SLC39A14: variants seen among roughly 807,000 people sequenced by gnomAD.
The protein encoded by SLC39A14 is metal cation symporter ZIP14.
A neutral mutation model predicts 45.5 loss-of-function variants in SLC39A14; 19 were observed. The observed-to-expected ratio is 0.42, with a 90% CI of 0.29 to 0.61. The LOEUF (loss-of-function observed/expected upper bound fraction) is 0.61, where lower values mean the gene tolerates loss of function less well. Ranked by LOEUF, SLC39A14 falls within the 20% of genes least tolerant of loss-of-function variation. The pLI, the probability that SLC39A14 is intolerant of heterozygous loss-of-function variation, is 0.22. For missense variants in SLC39A14, 447 were observed against 616.5 expected (o/e 0.73, Z 2.91); for synonymous variants, 264 against 251.3 (o/e 1.05, Z -0.48).
At chr8:22,412,230 C>T (rs1481724626) in intron 4 of SLC39A14, 24 bp downstream of exon 4, 1 of 1,549,752 alleles carries the variant, frequency 6.5e-7, no homozygotes, top group African/African-American at 1.4e-5. Context: ...GGGCCTTCAC[C>T]CCGGAGCATG....
At chr8:22,412,600 C>T (rs1431238336) in intron 4 of SLC39A14, among the ~76,000 whole-genome samples, 1 of 152,166 alleles carries the variant, frequency 6.6e-6, no homozygotes, top group African/African-American at 2.4e-5. Context: ...CGAGCTCACT[C>T]TGGCTTAGTT....
intron 1 of SLC39A14, among the ~76,000 whole-genome samples, chr8:22,378,956 G>A (rs1205936484): frequency 2.0e-5 from 3 of 152,210 alleles, no homozygotes; most frequent in Admixed American, 6.5e-5. Flanking sequence ...CGACAGAAAT[G>A]TATTCTTATA....
intron 1 of SLC39A14, among the ~76,000 whole-genome samples, chr8:22,371,848 C>T (rs138276324): frequency 6.6e-6 from 1 of 151,690 alleles, no homozygotes; most frequent in African/African-American, 2.4e-5. Flanking sequence ...GGGTTCAAGC[C>T]ATTCTCCTGC....
intron 8 of SLC39A14, among the ~76,000 whole-genome samples, chr8:22,432,175 G>C (rs538095438): frequency 6.6e-6 from 1 of 151,748 alleles, no homozygotes; most frequent in Non-Finnish European, 1.5e-5. Flanking sequence ...TCTAAAAAAA[G>C]AAAAAAATAG....
At chr8:22,390,819 C>T (rs888536431) in intron 1 of SLC39A14, among the ~76,000 whole-genome samples, 141 of 152,282 alleles carry the variant, frequency 9.3e-4, no homozygotes, top group African/African-American at 3.2e-3. Flanking sequence ...CCTCCCACCT[C>T]AGCCTCTCAC....
chr8:22,404,554 TCTCAAAGG>T (rs2132308130), intron 1 of SLC39A14, 134 bp from the exon 2 acceptor site: 2 of 730,184 alleles, frequency 2.7e-6, no homozygotes, highest in Non-Finnish European at 4.4e-6. Context: ...GAAGGGTTTT[TCTCAAAGG>T]CTAATTCAAG....
chr8:22,428,028 G>A (rs1836412880), intron 8 of SLC39A14, among the ~76,000 whole-genome samples: 2 of 152,152 alleles, frequency 1.3e-5, no homozygotes, highest in Non-Finnish European at 2.9e-5. Context: ...GCCTGGTGCG[G>A]TAGCTCACGC....
intron 1 of SLC39A14, among the ~76,000 whole-genome samples, chr8:22,392,226 G>C (rs1385751422): frequency 6.6e-6 from 1 of 152,166 alleles, no homozygotes; most frequent in Admixed American, 6.5e-5. Context: ...TGAGAACCCA[G>C]AAGATGGGGA....
At chr8:22,403,442 G>C (rs1835006094) in intron 1 of SLC39A14, among the ~76,000 whole-genome samples, 1 of 151,290 alleles carries the variant, frequency 6.6e-6, no homozygotes, top group African/African-American at 2.4e-5. Flanking sequence ...ACCATGCCTG[G>C]CTAATTTTTT....
At chr8:22,409,201 C>T (rs906978318) in intron 3 of SLC39A14, among the ~76,000 whole-genome samples, 4 of 152,222 alleles carry the variant, frequency 2.6e-5, no homozygotes, top group African/African-American at 7.2e-5. Context: ...CTCCCTATCC[C>T]GGTATCCCTG....
At chr8:22,386,936 G>A (rs1833825121) in intron 1 of SLC39A14, among the ~76,000 whole-genome samples, 1 of 152,146 alleles carries the variant, frequency 6.6e-6, no homozygotes, top group Non-Finnish European at 1.5e-5. Context: ...ACTTTGGGAG[G>A]CTGGGGCGGG....
At chr8:22,414,189 A>C (rs1835742296) in intron 4 of SLC39A14, among the ~76,000 whole-genome samples, 1 of 152,166 alleles carries the variant, frequency 6.6e-6, no homozygotes, top group Non-Finnish European at 1.5e-5. Context: ...TTGATAAGTG[A>C]CAGTTTCAGA....
chr8:22,399,860 T>C (rs999755759), intron 1 of SLC39A14, among the ~76,000 whole-genome samples: 2 of 152,206 alleles, frequency 1.3e-5, no homozygotes, highest in African/African-American at 4.8e-5. Flanking sequence ...TGAAGTCTTT[T>C]GGGGTTTGTT....
chr8:22,405,125 T>G (rs1586717619), intron 2 of SLC39A14, 145 bp downstream of exon 2: 1 of 704,360 alleles, frequency 1.4e-6, no homozygotes, highest in Non-Finnish European at 2.3e-6. Context: ...GTGGACAGGC[T>G]GATTCTTTCT....
At chr8:22,423,103 C>T (rs1836312285), downstream of SLC39A14, among the ~76,000 whole-genome samples, 2 of 152,018 alleles carry the variant, frequency 1.3e-5, no homozygotes, top group Admixed American at 1.3e-4. Flanking sequence ...GGATTACAGG[C>T]TTGAGTCATT....
chr8:22,376,828 A>C (rs1833245114), intron 1 of SLC39A14, among the ~76,000 whole-genome samples: 1 of 151,940 alleles, frequency 6.6e-6, no homozygotes, highest in South Asian at 2.1e-4. Context: ...CAGTGAGCTG[A>C]GATGGAGCCA....
At chr8:22,377,897 T>C (rs1367901378) in intron 1 of SLC39A14, among the ~76,000 whole-genome samples, 1 of 152,210 alleles carries the variant, frequency 6.6e-6, no homozygotes, top group African/African-American at 2.4e-5. Flanking sequence ...AATACCCCAT[T>C]TGGATCTGTG....
At chr8:22,371,414 CTTTTTTTTTTTTT>C (rs373230777) in intron 1 of SLC39A14, among the ~76,000 whole-genome samples, 11 of 120,042 alleles carry the variant, frequency 9.2e-5, no homozygotes, top group Non-Finnish European at 1.4e-4. Context: ...AAATACATGT[CTTTTTTTTTTTTT>C]TTTTTTTTTT....
chr8:22,382,451 T>C (rs1833564783), intron 1 of SLC39A14, among the ~76,000 whole-genome samples: 2 of 151,724 alleles, frequency 1.3e-5, no homozygotes, highest in African/African-American at 4.8e-5. Context: ...CTGGGGAGGA[T>C]TGCTTGAGTT....
Sources: allele counts gnomAD v4.1 joint callset (sites outside exome capture counted in the v4.1 genomes callset), GRCh38; gene constraint gnomAD v4.1.1; transcripts MANE v1.5; gene names NCBI Gene and HGNC (gene_info 2026-07-23, HGNC 2026-07-21).